Variants in SLC36A4 observed in about 807,000 individuals in gnomAD.
The protein encoded by SLC36A4 is solute carrier family 36 member 4.
In SLC36A4, 49 loss-of-function variants were observed where a neutral mutation model predicts 50.5. That is an observed-to-expected ratio of 0.97 (90% CI 0.77 to 1.23). The LOEUF (loss-of-function observed/expected upper bound fraction) is 1.23, where lower values mean the gene tolerates loss of function less well. Among genes scored for constraint, SLC36A4 ranks in the 50% most tolerant of loss-of-function variants. The pLI, the probability that SLC36A4 is intolerant of heterozygous loss-of-function variation, is 0.00. For synonymous variants in SLC36A4, 207 were observed against 206.5 expected, an observed-to-expected ratio of 1.00 and a Z score of -0.02; for missense variants, 611 against 608.4, an observed-to-expected ratio of 1.00 and a Z score of -0.05.
At position 93,162,689 on chromosome 11, in the gene SLC36A4, A is replaced by T; in HGVS notation, c.1037+17T>A. On this transcript the variant is annotated intron_variant, in intron 9 of 10. Coordinates refer to ENST00000326402, the MANE Select transcript of SLC36A4 (RefSeq NM_152313.4). ...TAAAATATATAAACTAATATTGACAAATTCATATACACCTACCATACATCT... is the reference window on the plus strand; with the variant it reads ...TAAAATATATAAACTAATATTGACATATTCATATACACCTACCATACATCT... 1.3e-6 allele frequency: 2 copies of T among 1,571,278 alleles called. No individual in the cohort carries two copies. Among genetic ancestry groups the T allele is most frequent in the Non-Finnish European group, 1.7e-6 (2 of 1,159,694 alleles).
At chr11:93,183,631 A>T (rs1318105038) in intron 3 of SLC36A4, among the ~76,000 whole-genome samples, 1 of 151,998 alleles carries the variant, frequency 6.6e-6, no homozygotes, top group Admixed American at 6.6e-5. Flanking sequence ...AATTACAATA[A>T]CTGCCTCTAA....
chr11:93,182,719 T>C, intron 4 of SLC36A4, 87 bp downstream of exon 4: 1 of 907,936 alleles, frequency 1.1e-6, no homozygotes, highest in Non-Finnish European at 1.7e-6. Flanking sequence ...TTAAACGAAA[T>C]ACAAAGCACA....
intron 6 of SLC36A4, among the ~76,000 whole-genome samples, chr11:93,177,986 G>A (rs1861564646): frequency 6.6e-6 from 1 of 152,208 alleles, no homozygotes; most frequent in South Asian, 2.1e-4. Context: ...GTCTACAGAG[G>A]CAGACAGGCC....
At chr11:93,180,148 A>G (rs1460609832) in intron 6 of SLC36A4, 1 of 974,226 alleles carries the variant, frequency 1.0e-6, no homozygotes, top group Non-Finnish European at 1.2e-6. Flanking sequence ...TGATTAAAGA[A>G]GAGCAGGGGA....
chr11:93,191,214 T>C (rs1312832472), intron 1 of SLC36A4, among the ~76,000 whole-genome samples: 1 of 152,214 alleles, frequency 6.6e-6, no homozygotes, highest in Non-Finnish European at 1.5e-5. Flanking sequence ...TGTATTTTTG[T>C]TTCCAATTTA....
intron 1 of SLC36A4, among the ~76,000 whole-genome samples, chr11:93,195,168 C>T (rs1425136725): frequency 6.6e-6 from 1 of 151,076 alleles, no homozygotes; most frequent in Non-Finnish European, 1.5e-5. Context: ...ATCATCACTT[C>T]TACCATAATC....
rs558155945 is a variant in SLC36A4 at position 93,144,524 on chromosome 11, C to T, written c.*4013G>A. The T allele has an allele frequency of 2.0e-5, 3 of 151,866 alleles. No individual in the cohort carries two copies. Among genetic ancestry groups the T allele is most frequent in the African/African-American group, 4.8e-5 (2 of 41,368 alleles). The allele number at this position is 151,866 out of a possible 1,614,324, so 9.4% of individuals were successfully genotyped here. ...GTGTGTGTCTGCATATACTTGTGCACGCATGCATGTAGGAACTAGCTAATT... is the reference window on the plus strand; with the variant it reads ...GTGTGTGTCTGCATATACTTGTGCATGCATGCATGTAGGAACTAGCTAATT... On this transcript the variant is annotated 3_prime_UTR_variant, in exon 11 of 11. Transcript: ENST00000326402.
chr11:93,183,353 T>A (rs1026270896), intron 3 of SLC36A4, among the ~76,000 whole-genome samples: 1 of 152,182 alleles, frequency 6.6e-6, no homozygotes, highest in Admixed American at 6.5e-5. Flanking sequence ...ATAAAATAAT[T>A]ATTTCAAAAA....
At chr11:93,188,091 C>T (rs1374656168) in intron 1 of SLC36A4, among the ~76,000 whole-genome samples, 1 of 152,200 alleles carries the variant, frequency 6.6e-6, no homozygotes, top group Non-Finnish European at 1.5e-5. Context: ...CCCTCCCCCA[C>T]TCTCCATGCT....
intron 1 of SLC36A4, among the ~76,000 whole-genome samples, chr11:93,187,819 C>T (rs1862054866): frequency 6.6e-6 from 1 of 152,128 alleles, no homozygotes; most frequent in South Asian, 2.1e-4. Flanking sequence ...TTCTTTCCCT[C>T]CCTTGCCATC....
At chr11:93,176,094 TA>T (rs1179600845) in intron 6 of SLC36A4, among the ~76,000 whole-genome samples, 7 of 144,110 alleles carry the variant, frequency 4.9e-5, no homozygotes, top group Non-Finnish European at 1.5e-5. Context: ...AGTCTCTTTG[TA>T]GGTCACTCAG....
At chr11:93,180,721 T>C in intron 6 of SLC36A4, 76 bp downstream of exon 6, 1 of 979,924 alleles carries the variant, frequency 1.0e-6, no homozygotes, top group Non-Finnish European at 1.6e-6. Flanking sequence ...CAACTGTGGC[T>C]TCCACAGAAG....
chr11:93,191,238 GA>G (rs1193777200), intron 1 of SLC36A4, among the ~76,000 whole-genome samples: 1 of 152,072 alleles, frequency 6.6e-6, no homozygotes, highest in Non-Finnish European at 1.5e-5. Context: ...ATACACTATA[GA>G]AAAATGCAGT....
chr11:93,196,307 T>G (rs1013714686), intron 1 of SLC36A4, among the ~76,000 whole-genome samples: 3 of 152,224 alleles, frequency 2.0e-5, no homozygotes, highest in Non-Finnish European at 4.4e-5. Flanking sequence ...GATATAAGTA[T>G]GGGTTACATT....
intron 6 of SLC36A4, among the ~76,000 whole-genome samples, chr11:93,168,586 T>C (rs1185550833): frequency 6.6e-6 from 1 of 152,044 alleles, no homozygotes. Flanking sequence ...TCTAGCTTAT[T>C]TTCTTCAGAT....
chr11:93,179,278 G>A lies in SLC36A4; in HGVS notation c.540+1519C>T, dbSNP rs1861631310. Among the ~76,000 whole-genome samples, 8 of 152,134 alleles carry A rather than the reference G, an allele frequency of 5.3e-5. No homozygotes were observed. The South Asian group carries it at 1.5e-3, about 28-fold the overall frequency. ...AGAGCCAATAACCATACTGGGTACTGATAAGCCAGACACTCTTAGATGCTA... is the reference window on the plus strand; with the variant it reads ...AGAGCCAATAACCATACTGGGTACTAATAAGCCAGACACTCTTAGATGCTA... On this transcript the variant is annotated intron_variant, in intron 6 of 10. Coordinates refer to ENST00000326402, the MANE Select transcript of SLC36A4 (RefSeq NM_152313.4).
intron 4 of SLC36A4, 78 bp downstream of exon 4, chr11:93,182,728 C>T: frequency 9.9e-7 from 1 of 1,011,944 alleles, no homozygotes. Context: ...ATACAAAGCA[C>T]AGTAGAATAT....
chr11:93,147,253 C>G lies in SLC36A4; in HGVS notation c.*1284G>C, dbSNP rs1293307845. 3 of 152,126 alleles carry G rather than the reference C, an allele frequency of 2.0e-5. No homozygotes were observed. The East Asian group carries it at 5.8e-4, about 29-fold the overall frequency. 9.4% of individuals were successfully genotyped at this position (152,126 alleles called of 1,614,324 possible). ...CCTCCCAACTTATCCTCCAGAGTAG[C>G]TGGGATTATAAGCACAGACCACCAC... is the stretch of plus-strand genomic sequence containing the variant. On this transcript the variant is annotated 3_prime_UTR_variant, in exon 11 of 11. Transcript: ENST00000326402.
intron 10 of SLC36A4, among the ~76,000 whole-genome samples, chr11:93,151,536 G>T (rs1360491228): frequency 4.6e-5 from 7 of 151,932 alleles, no homozygotes; most frequent in African/African-American, 1.7e-4. Flanking sequence ...AATAGTTAAT[G>T]GTGCTCTCCA....
Sources: allele counts gnomAD v4.1 joint callset (sites outside exome capture counted in the v4.1 genomes callset), GRCh38; gene constraint gnomAD v4.1.1; transcripts MANE v1.5; gene names NCBI Gene and HGNC (gene_info 2026-07-23, HGNC 2026-07-21).